The following PTPRS variants were observed in gnomAD, a reference collection of about 807,000 sequenced individuals.
The protein encoded by PTPRS is receptor-type tyrosine-protein phosphatase S.
In PTPRS, 63 loss-of-function variants were observed where a neutral mutation model predicts 215.3. The ratio of observed to expected loss-of-function variants is 0.29; its 90% CI spans 0.24 to 0.36. The LOEUF (loss-of-function observed/expected upper bound fraction) is 0.36, where lower values mean the gene tolerates loss of function less well. PTPRS is among the 10% of genes least tolerant of loss of function. The probability of loss-of-function intolerance (pLI) is 1.00; values close to 1 mark genes in which losing one functional copy is unlikely to be tolerated. For synonymous variants in PTPRS, 1,404 were observed against 1,191.4 expected (o/e 1.18, Z -3.68); for missense variants, 2,258 against 2,825.8 (o/e 0.80, Z 4.56).
At chr19:5,239,927 G>C (rs1046290788) in intron 12 of PTPRS, among the ~76,000 whole-genome samples, 1 of 152,102 alleles carries the variant, frequency 6.6e-6, no homozygotes, top group African/African-American at 2.4e-5. Flanking sequence ...ACAGAGAGAA[G>C]CACAGATCAA....
At chr19:5,276,718 T>A (rs1358279958) in intron 2 of PTPRS, among the ~76,000 whole-genome samples, 2 of 151,754 alleles carry the variant, frequency 1.3e-5, no homozygotes, top group Non-Finnish European at 2.9e-5. Flanking sequence ...TTTTTTTGTA[T>A]TTTTAGTAGA....
Position 5,273,573 on chromosome 19 carries a change from A to G in PTPRS, c.248T>C (p.Phe83Ser). ...VNSQRFETIE[F>S]DESAGAVLRI... is the part of the protein sequence containing the mutation. The stretch of plus-strand genomic sequence containing the variant: ...CAGCACTGCCCCTGCACTCTCATCA[A>G]ACTCAATCGTCTGCCATGGGCAGGG... The change falls in exon 4 of 38, where the codon TTT (phenylalanine) becomes TCT (serine). Residue 83 changes from phenylalanine to serine, a missense_variant. This residue lies in a region of PTPRS where 508 missense variants were observed against 799.4 expected (regional missense o/e 0.64). Transcript: ENST00000262963. 6.2e-7 allele frequency: 1 copy of G among 1,614,036 alleles called. No homozygotes were observed. The highest frequency in any genetic ancestry group is 8.5e-7 in the Non-Finnish European group (1 of 1,179,994).
At chr19:5,300,767 CAAAAAA>C (rs59799136) in intron 1 of PTPRS, among the ~76,000 whole-genome samples, 3 of 97,768 alleles carry the variant, frequency 3.1e-5, no homozygotes, top group Non-Finnish European at 6.1e-5. Flanking sequence ...GACTCCGTCT[CAAAAAA>C]AAAAAAAAAA....
Position 5,257,966 on chromosome 19 carries a change from G to A in PTPRS, c.706+51C>T. On this transcript the variant is annotated intron_variant, in intron 8 of 37. Transcript: ENST00000262963. This position sits in a 1 kb window ranked among gnomAD's most constrained non-coding sequence, Gnocchi z 4.4. ...AGGCGGTGAGCCCGAGGAGGGAGGG[G>A]GATGGGACGGGGCGGGTCCCTGCCT... 8 of 1,492,888 alleles carry A rather than the reference G, an allele frequency of 5.4e-6. No homozygotes were observed. Among genetic ancestry groups the A allele is most frequent in the Non-Finnish European group, 7.4e-6 (8 of 1,081,598 alleles). 92.5% of individuals were successfully genotyped at this position (1,492,888 alleles called of 1,614,324 possible). A position where few individuals can be genotyped will look rare whatever the true frequency, so the allele number is the denominator to read the frequency against.
rs375049270 is a variant in PTPRS at position 5,211,743 on chromosome 19, G to T, written c.5081C>A (p.Thr1694Lys). ...CAGATTGGCACTGATGAAGCGTGAC[G>T]TGTGGGCCTTGGAGTTAGCCAGCCG... ...FKRLANSKAHTSRFISANLPC... is the reference protein window; with the variant it reads ...FKRLANSKAHKSRFISANLPC... The change falls in exon 33 of 38, where the codon ACG becomes AAG. Residue 1694 changes from threonine to lysine, a missense_variant. Physicochemically the swap from Thr to Lys is moderately conservative, Grantham distance 78 (BLOSUM62 -1). Coordinates refer to ENST00000262963, the MANE Select transcript of PTPRS (RefSeq NM_002850.4). The T allele has an allele frequency of 6.2e-7, 1 of 1,613,730 alleles. No individual in the cohort carries two copies. Among genetic ancestry groups the T allele is most frequent in the East Asian group, 2.2e-5 (1 of 44,872 alleles).
chr19:5,263,618 T>C (rs1404535636), intron 5 of PTPRS, among the ~76,000 whole-genome samples: 1 of 152,118 alleles, frequency 6.6e-6, no homozygotes, highest in Non-Finnish European at 1.5e-5. Flanking sequence ...CCGGCACAAC[T>C]GAAAACAGTA....
At chr19:5,335,574 G>A (rs1413251544) in intron 1 of PTPRS, among the ~76,000 whole-genome samples, 1 of 152,184 alleles carries the variant, frequency 6.6e-6, no homozygotes, top group African/African-American at 2.4e-5. Context: ...CCAGGTAGGG[G>A]GAACAGGAGA....
intron 1 of PTPRS, among the ~76,000 whole-genome samples, chr19:5,314,672 T>C (rs1327830054): frequency 6.6e-6 from 1 of 152,142 alleles, no homozygotes; most frequent in Non-Finnish European, 1.5e-5. Context: ...ATTACAGGCA[T>C]GAATCACCAC....
intron 1 of PTPRS, among the ~76,000 whole-genome samples, chr19:5,323,853 G>A (rs2050097690): frequency 1.3e-5 from 2 of 152,266 alleles, no homozygotes; most frequent in East Asian, 1.9e-4. Flanking sequence ...TGAGGGCTGG[G>A]GTCACACCAG....
In PTPRS at chr19:5,237,332, G is replaced by A. The variant is rs955433935; in HGVS notation, c.1849+1587C>T. 2.6e-5 allele frequency among the ~76,000 whole-genome samples: 4 copies of A among 152,230 alleles called. No individual in the cohort carries two copies. Among genetic ancestry groups the A allele is most frequent in the African/African-American group, 7.2e-5 (3 of 41,468 alleles). On this transcript the variant is annotated intron_variant, in intron 13 of 37. Transcript: ENST00000262963. The surrounding 1 kb of genome is among the most constrained non-coding windows in gnomAD (Gnocchi z 4.2). ...CGCCTGGCCCTGAGTCTTTGCTGTCGGTTCTCCTGGGCCCCACCCGTCTCG... is the reference window on the plus strand; with the variant it reads ...CGCCTGGCCCTGAGTCTTTGCTGTCAGTTCTCCTGGGCCCCACCCGTCTCG...
At chr19:5,266,440 C>T (rs976647971) in intron 4 of PTPRS, among the ~76,000 whole-genome samples, 1 of 151,806 alleles carries the variant, frequency 6.6e-6, no homozygotes, top group Non-Finnish European at 1.5e-5. Flanking sequence ...CAGAGGACAC[C>T]GTTTTTATTT....
In PTPRS at chr19:5,331,128, TA is replaced by T. The variant is rs1041351468; in HGVS notation, c.-95+9535del. ...CAGCATAAGTCAGGGCTTCTTTTTT[TA>T]AAAAAAAAAAAAAAAAAAAAAGAGA... On this transcript the variant is annotated intron_variant, in intron 1 of 37. Coordinates refer to ENST00000262963, the MANE Select transcript of PTPRS (RefSeq NM_002850.4). Among the ~76,000 whole-genome samples, 646 of 100,144 alleles carry T rather than the reference TA, an allele frequency of 6.5e-3. 17 individuals carry two copies. In the East Asian group the frequency reaches 0.072, roughly 11 times the overall value. The allele number at this position is 100,144 out of a possible 152,430, so 65.7% of individuals were successfully genotyped here. A position where few individuals can be genotyped will look rare whatever the true frequency, so the allele number is the denominator to read the frequency against.
At chr19:5,235,226 C>T (rs975001329) in intron 13 of PTPRS, among the ~76,000 whole-genome samples, 2 of 152,044 alleles carry the variant, frequency 1.3e-5, no homozygotes, top group Non-Finnish European at 2.9e-5. Flanking sequence ...AGGCATGAGC[C>T]GCCGCGCCCG....
At chr19:5,216,201 G>A (rs1262062474) in intron 26 of PTPRS, among the ~76,000 whole-genome samples, 3 of 152,154 alleles carry the variant, frequency 2.0e-5, no homozygotes, top group East Asian at 1.9e-4. Flanking sequence ...GTGCAAGAAG[G>A]CCCTGGCCTG....
chr19:5,310,479 A>G (rs1464911710), intron 1 of PTPRS, among the ~76,000 whole-genome samples: 3 of 151,148 alleles, frequency 2.0e-5, no homozygotes, highest in African/African-American at 7.3e-5. Flanking sequence ...CACCATACCC[A>G]GCTAATTTTT....
intron 12 of PTPRS, among the ~76,000 whole-genome samples, chr19:5,239,977 G>C (rs1454046249): frequency 6.6e-6 from 1 of 152,146 alleles, no homozygotes; most frequent in African/African-American, 2.4e-5. Context: ...CCAGAGAGAG[G>C]CCGCCAGCAG....
intron 1 of PTPRS, among the ~76,000 whole-genome samples, chr19:5,335,417 G>A (rs2050463056): frequency 6.6e-6 from 1 of 152,196 alleles, no homozygotes; most frequent in Non-Finnish European, 1.5e-5. Context: ...TCAGGGCTCT[G>A]ACCTGGAACC....
chr19:5,228,345 G>GAAAAAAAAAAAAAAAAAAAAAAAAA (rs1491502602), intron 16 of PTPRS, among the ~76,000 whole-genome samples: 2 of 33,266 alleles, frequency 6.0e-5, no homozygotes, highest in African/African-American at 1.9e-4. Flanking sequence ...ACTCCGTCTG[G>GAAAAAAAAAAAAAAAAAAAAAAAAA]AGAAAAAAAA....
chr19:5,336,172 A>G (rs987234795), intron 1 of PTPRS, among the ~76,000 whole-genome samples: 3 of 150,782 alleles, frequency 2.0e-5, no homozygotes, highest in Admixed American at 2.0e-4. Flanking sequence ...GCGCTTCTCA[A>G]ATATCAGCCA....
Sources: allele counts gnomAD v4.1 joint callset (sites outside exome capture counted in the v4.1 genomes callset), GRCh38; gene constraint gnomAD v4.1.1; regional missense constraint gnomAD v4.1.1; non-coding constraint Gnocchi (gnomAD v3.1); transcripts MANE v1.5; gene names NCBI Gene and HGNC (gene_info 2026-07-23, HGNC 2026-07-21).